B4GALNT1: variants seen among roughly 807,000 people sequenced by gnomAD.
B4GALNT1 encodes the protein beta-1,4-N-acetyl-galactosaminyltransferase 1, also known as beta-1,4 N-acetylgalactosaminyltransferase 1.
Under a neutral mutation model 55.2 loss-of-function variants are expected in B4GALNT1, and 43 were observed. The ratio of observed to expected loss-of-function variants is 0.78; its 90% confidence interval spans 0.61 to 1.00. B4GALNT1 has a LOEUF of 1.00. Ranked by LOEUF, B4GALNT1 falls within the 50% of genes least tolerant of loss-of-function variation. The pLI is 0.00. For synonymous variants in B4GALNT1, 305 were observed against 311.6 expected (o/e 0.98, Z 0.22); for missense variants, 664 against 729.7 (o/e 0.91, Z 1.04).
Position 57,625,838 on chromosome 12 carries a change from T to A in B4GALNT1, c.*906A>T. ...AAAAGGGTGGGGACGGAATGAATAG[T>A]AGATTGAAGACCAAATCAGGGAGCC... On this transcript the variant is annotated 3_prime_UTR_variant, in exon 11 of 11. Coordinates refer to ENST00000341156, the MANE Select transcript of B4GALNT1 (RefSeq NM_001478.5). The A allele has an allele frequency of 7.3e-7, 1 of 1,378,054 alleles. No individual in the cohort carries two copies. The highest frequency in any genetic ancestry group is 1.4e-5 in the African/African-American group (1 of 69,596). The allele number at this position is 1,378,054 out of a possible 1,614,324, so 85.4% of individuals were successfully genotyped here. A position where few individuals can be genotyped will look rare whatever the true frequency, so the allele number is the denominator to read the frequency against.
chr12:57,627,799 G>T lies in B4GALNT1; in HGVS notation c.1203C>A (p.Ser401Arg), dbSNP rs779937342. 2.5e-6 allele frequency: 4 copies of T among 1,596,282 alleles called. No homozygotes were observed. In the East Asian group the frequency reaches 9.0e-5, roughly 36 times the overall value. Reference protein sequence around the residue: ...GFATTYRQLLSVEPGAPGLGN... With the variant: ...GFATTYRQLLRVEPGAPGLGN... ...CGAGGCCTGGGGCGCCGGGCTCCAC[G>T]CTCAGCAGCTGCCGATAAGTGGTGG... The change falls in exon 10 of 11, where the codon AGC (serine) becomes AGA (arginine). Residue 401 changes from serine to arginine, a missense_variant. Physicochemically the swap from Ser to Arg is moderately radical, Grantham distance 110. Coordinates refer to ENST00000341156, the MANE Select transcript of B4GALNT1 (RefSeq NM_001478.5).
intron 6 of B4GALNT1, 71 bp from the exon 7 acceptor site, chr12:57,629,217 T>A: frequency 7.6e-7 from 1 of 1,308,266 alleles, no homozygotes; most frequent in Non-Finnish European, 1.0e-6. Context: ...AATCAATATT[T>A]AAGTGCCTAC....
rs1296588156 is a variant in B4GALNT1, at chr12:57,626,964, G to A, written c.1385-3C>T. The A allele has an allele frequency of 6.2e-7, 1 of 1,611,284 alleles. No homozygotes were observed. On this transcript the variant is annotated splice_polypyrimidine_tract_variant and splice_region_variant and intron_variant, in intron 10 of 10. Transcript: ENST00000341156. ...ACCAAGCCCATCCAAGAAGAATTCT[G>A]GGGGTGGAGGGGAGTACACAGTGAG... is the stretch of plus-strand genomic sequence containing the variant.
rs1203605374 is a variant in B4GALNT1 at position 57,628,114 on chromosome 12, TG to T, written c.1143+7del. ...CTCCACCCCCACATCCTGCAGCCCC[TG>T]CCCTACCAGGTCCAGCGGCGTCCGC... is the stretch of plus-strand genomic sequence containing the variant. On this transcript the variant is annotated splice_region_variant and intron_variant, in intron 9 of 10. Coordinates refer to ENST00000341156, the MANE Select transcript of B4GALNT1 (RefSeq NM_001478.5). The T allele has an allele frequency of 5.6e-6, 9 of 1,613,486 alleles. No individual in the cohort carries two copies. The highest frequency in any genetic ancestry group is 3.3e-5 in the Admixed American group (2 of 60,014).
In B4GALNT1 at chr12:57,629,079, C is replaced by A. The variant is rs747840275; in HGVS notation, c.780G>T (p.Arg260=). Residue 260 remains arginine (R), a synonymous_variant, in exon 7 of 11, where the codon CGG becomes CGT. Transcript: ENST00000341156. Reference sequence around the variant, plus strand: ...GGGGTAGAGACCCAGGTGGGTACAGCCGAGGGTTGGGCGGGTGTCTTATGC... The same window carrying A: ...GGGGTAGAGACCCAGGTGGGTACAGACGAGGGTTGGGCGGGTGTCTTATGC... The part of the protein sequence containing the change: ...TIRIRHPPNP[R]LYPPGSLPQG... The A allele has an allele frequency of 1.9e-6, 3 of 1,595,006 alleles. No homozygotes were observed. The highest frequency in any genetic ancestry group is 3.4e-5 in the Admixed American group (2 of 59,068).
intron 10 of B4GALNT1, 66 bp downstream of exon 10, chr12:57,627,552 G>A: frequency 1.3e-6 from 2 of 1,518,024 alleles, no homozygotes; most frequent in East Asian, 2.3e-5. Flanking sequence ...GAGGAGAGGC[G>A]CGTGACCGTG....
Position 57,628,793 on chromosome 12 carries a change from C to A in B4GALNT1, c.922G>T (p.Val308Leu), listed in dbSNP as rs763122884. 2.5e-6 allele frequency: 4 copies of A among 1,614,116 alleles called. No homozygotes were observed. Among genetic ancestry groups the A allele is most frequent in the Non-Finnish European group, 1.7e-6 (2 of 1,180,046 alleles). ...TTGTCGCTGTCGTCAGCGATGACCA[C>A]GGTAACCGTTGGGTAGAAGCGGCGG... ...SIRRFYPTVTVVIADDSDKPE... is the reference protein window; with the variant it reads ...SIRRFYPTVTLVIADDSDKPE... Residue 308 changes from valine (V) to leucine (L), a missense_variant, in exon 8 of 11, where the codon GTG (valine) becomes TTG (leucine). Val to Leu is a conservative substitution (Grantham distance 32). Transcript: ENST00000341156.
intron 5 of B4GALNT1, 43 bp downstream of exon 5, chr12:57,630,435 C>G (rs769432562): frequency 9.4e-6 from 15 of 1,599,730 alleles, no homozygotes; most frequent in Middle Eastern, 1.7e-4. Flanking sequence ...TCCCAGCATT[C>G]TTGATGCCTA....
chr12:57,629,518 T>G (rs1885061810), intron 6 of B4GALNT1: 2 of 324,938 alleles, frequency 6.2e-6, no homozygotes, highest in Non-Finnish European at 1.1e-5. Context: ...ACAAAACTGA[T>G]AGCAACCTAG....
intron 6 of B4GALNT1, chr12:57,629,875 C>T (rs776494050): frequency 4.6e-6 from 7 of 1,527,914 alleles, no homozygotes; most frequent in Non-Finnish European, 5.3e-6. Context: ...TCTTCTAACT[C>T]CTTAGACAAG....
chr12:57,627,879 C>T (rs750115133), intron 9 of B4GALNT1, 21 bp from the exon 10 acceptor site: 17 of 1,555,762 alleles, frequency 1.1e-5, no homozygotes, highest in Admixed American at 3.6e-5. Context: ...AGGGAGGTTG[C>T]CTCCAGGCGG....
Position 57,631,982 on chromosome 12 carries a change from G to C in B4GALNT1, c.151C>G (p.Leu51Val). The change falls in exon 2 of 11, where the codon CTG becomes GTG. Residue 51 changes from leucine to valine, a missense_variant. Physicochemically the swap from Leu to Val is conservative, Grantham distance 32 (BLOSUM62 1). Transcript: ENST00000341156. ...APPQSPRRPELPDLAPEPRYA... is the reference protein window; with the variant it reads ...APPQSPRRPEVPDLAPEPRYA... ...CGGGGCTCAGGAGCAAGATCTGGCA[G>C]CTCGGGCCTGCGGGGGCTTTGCGGG... The C allele has an allele frequency of 2.1e-6, 3 of 1,455,972 alleles. No individual in the cohort carries two copies. The highest frequency in any genetic ancestry group is 2.7e-6 in the Non-Finnish European group (3 of 1,104,406). 90.2% of individuals were successfully genotyped at this position (1,455,972 alleles called of 1,614,324 possible). A position where few individuals can be genotyped will look rare whatever the true frequency, so the allele number is the denominator to read the frequency against.
intron 4 of B4GALNT1, 22 bp downstream of exon 4, chr12:57,630,958 C>G: frequency 6.2e-7 from 1 of 1,603,636 alleles, no homozygotes; most frequent in South Asian, 1.1e-5. Context: ...CTGAGGTCAT[C>G]CTCTGGGACC....
rs1884766974 is a variant in B4GALNT1 at position 57,625,749 on chromosome 12, A to G, written c.*995T>C. On this transcript the variant is annotated 3_prime_UTR_variant, in exon 11 of 11. Transcript: ENST00000341156. ...GGCACTGGGCTGCGGCAAGTGAGGCAGGGGTAAGTGGCTGGAGACCCAGGG... is the reference window on the plus strand; with the variant it reads ...GGCACTGGGCTGCGGCAAGTGAGGCGGGGGTAAGTGGCTGGAGACCCAGGG... The G allele has an allele frequency of 6.6e-7, 1 of 1,521,330 alleles. No individual in the cohort carries two copies. Among genetic ancestry groups the G allele is most frequent in the Non-Finnish European group, 8.8e-7 (1 of 1,136,678 alleles). 94.2% of individuals were successfully genotyped at this position (1,521,330 alleles called of 1,614,324 possible).
Position 57,623,936 on chromosome 12 carries a change from G to A in B4GALNT1, c.*2808C>T, listed in dbSNP as rs942921127. ...AAGGTAATGAGCAGAGGAGGCATGA[G>A]CATGGCTGGGAGGGGTAGCTGTATT... On this transcript the variant is annotated 3_prime_UTR_variant, in exon 11 of 11. Transcript: ENST00000341156. 2.5e-6 allele frequency: 4 copies of A among 1,613,794 alleles called. No individual in the cohort carries two copies. The highest frequency in any genetic ancestry group is 2.2e-5 in the East Asian group (1 of 44,892).
Position 57,628,110 on chromosome 12 carries a change from C to G in B4GALNT1, c.1143+12G>C, listed in dbSNP as rs374808727. The G allele has an allele frequency of 3.1e-6, 5 of 1,613,174 alleles. No individual in the cohort carries two copies. In the African/African-American group the frequency reaches 4.0e-5, roughly 13 times the overall value. On this transcript the variant is annotated intron_variant, in intron 9 of 10. Coordinates refer to ENST00000341156, the MANE Select transcript of B4GALNT1 (RefSeq NM_001478.5). Reference sequence around the variant, plus strand: ...CCTTCTCCACCCCCACATCCTGCAGCCCCTGCCCTACCAGGTCCAGCGGCG... The same window carrying G: ...CCTTCTCCACCCCCACATCCTGCAGGCCCTGCCCTACCAGGTCCAGCGGCG...
chr12:57,625,921 C>A lies in B4GALNT1; in HGVS notation c.*823G>T. On this transcript the variant is annotated 3_prime_UTR_variant, in exon 11 of 11. Transcript: ENST00000341156. Reference sequence around the variant, plus strand: ...TCAGATCCCTAAGTAGGTGGGGTACCCCTGAGAGGACTGCCACATTTCATT... The same window carrying A: ...TCAGATCCCTAAGTAGGTGGGGTACACCTGAGAGGACTGCCACATTTCATT... The A allele has an allele frequency of 3.2e-6, 2 of 624,104 alleles. No homozygotes were observed. The highest frequency in any genetic ancestry group is 4.9e-6 in the Non-Finnish European group (2 of 405,470). The allele number at this position is 624,104 out of a possible 1,614,324, so 38.7% of individuals were successfully genotyped here.
rs776594093 is a variant in B4GALNT1, at chr12:57,625,379, G to A, written c.*1365C>T. On this transcript the variant is annotated 3_prime_UTR_variant, in exon 11 of 11. Coordinates refer to ENST00000341156, the MANE Select transcript of B4GALNT1 (RefSeq NM_001478.5). ...GCATCTCACTCATACCCTCTGATCT[G>A]GGACTTAACCCCTTTGCCCCATCCC... 1.2e-6 allele frequency: 2 copies of A among 1,614,148 alleles called. No individual in the cohort carries two copies. The highest frequency in any genetic ancestry group is 1.7e-6 in the Non-Finnish European group (2 of 1,180,020).
In B4GALNT1 at chr12:57,624,306, C is replaced by A; in HGVS notation, c.*2438G>T. Reference sequence around the variant, plus strand: ...GGCCTGAATATTTGTAACTTCCCAACTGGTGCGGGTCATTACATTTGGTGT... The same window carrying A: ...GGCCTGAATATTTGTAACTTCCCAAATGGTGCGGGTCATTACATTTGGTGT... On this transcript the variant is annotated 3_prime_UTR_variant, in exon 11 of 11. Transcript: ENST00000341156. The A allele has an allele frequency of 1.6e-6, 1 of 625,496 alleles. No individual in the cohort carries two copies. Among genetic ancestry groups the A allele is most frequent in the Non-Finnish European group, 2.9e-6 (1 of 344,680 alleles). 38.7% of individuals were successfully genotyped at this position (625,496 alleles called of 1,614,324 possible).
Sources: gnomAD v4.1 joint callset for allele counts on GRCh38, gnomAD v4.1.1 for gene constraint, MANE v1.5 for transcripts, NCBI Gene and HGNC (gene_info 2026-07-23, HGNC 2026-07-21) for gene names.